FRMPD4: variants seen among roughly 807,000 people sequenced by gnomAD.
FRMPD4 encodes the protein FERM and PDZ domain-containing protein 4.
FRMPD4 carries 22 observed loss-of-function variants against 94.1 expected under a neutral mutation model. The ratio of observed to expected loss-of-function variants is 0.23; its 90% CI spans 0.17 to 0.33. The LOEUF (loss-of-function observed/expected upper bound fraction) is 0.33. Among genes scored for constraint, FRMPD4 ranks in the 10% least tolerant of loss-of-function variants. The probability of loss-of-function intolerance (pLI) is 1.00; values close to 1 mark genes in which losing one functional copy is unlikely to be tolerated. For synonymous variants in FRMPD4, 631 were observed against 548.6 expected, an observed-to-expected ratio of 1.15 and a Z score of -2.10; for missense variants, 1,111 against 1,339.9, an observed-to-expected ratio of 0.83 and a Z score of 2.67.
chrX:12,194,588 T>C (rs142184052), intron 1 of FRMPD4, among the ~76,000 whole-genome samples: 2,382 of 111,750 alleles, frequency 0.021, 67 homozygotes, highest in African/African-American at 0.074. Context: ...ACTACTGTTA[T>C]AGAAAATTTG....
chrX:12,703,524 G>GAA (rs2041824410), intron 10 of FRMPD4, among the ~76,000 whole-genome samples: 1 of 111,546 alleles, frequency 9.0e-6, no homozygotes, highest in South Asian at 3.8e-4. Flanking sequence ...AGAAATAACT[G>GAA]GAATCCTCTT....
intron 3 of FRMPD4, among the ~76,000 whole-genome samples, chrX:12,021,026 A>ATCTC (rs377161544): frequency 8.9e-6 from 1 of 112,023 alleles, no homozygotes; most frequent in African/African-American, 3.2e-5. Context: ...GAATCCTGTG[A>ATCTC]TCTCATCTGC....
intron 3 of FRMPD4, among the ~76,000 whole-genome samples, chrX:12,004,020 C>G (rs1459707236): frequency 9.0e-6 from 1 of 111,579 alleles, no homozygotes; most frequent in Non-Finnish European, 1.9e-5. Flanking sequence ...TCTCCCTCTT[C>G]TTCCCCCTGC....
intron 4 of FRMPD4, among the ~76,000 whole-genome samples, chrX:12,617,735 T>C (rs2059248763): frequency 8.9e-6 from 1 of 111,872 alleles, no homozygotes; most frequent in Non-Finnish European, 1.9e-5. Flanking sequence ...AAATTCTCTC[T>C]TTAAAAATTG....
intron 4 of FRMPD4, among the ~76,000 whole-genome samples, chrX:12,628,088 C>A (rs150731399): frequency 9.0e-6 from 1 of 111,114 alleles, no homozygotes; most frequent in East Asian, 2.8e-4. Context: ...GAGCTTACAG[C>A]GAAATCTATT....
Position 12,710,433 on chromosome X carries a change from T to C in FRMPD4, c.1505T>C (p.Met502Thr). 1 of 1,204,050 alleles carries C rather than the reference T, an allele frequency of 8.3e-7. No homozygotes were observed. Residue 502 changes from methionine (M) to threonine (T), a missense_variant, in exon 14 of 17, where the codon ATG (methionine) becomes ACG (threonine). By Grantham distance (81) the Met-to-Thr change is moderately conservative. Transcript: ENST00000675598. ...CTTCTGATGGAATCCTCAGATGCCATGAACCTGGCCTGCTTGACGGCTGGA... is the reference window on the plus strand; with the variant it reads ...CTTCTGATGGAATCCTCAGATGCCACGAACCTGGCCTGCTTGACGGCTGGA... The part of the protein sequence containing the change: ...ITLLMESSDA[M>T]NLACLTAGYY...
chrX:12,616,745 G>A (rs1025831961), intron 4 of FRMPD4, among the ~76,000 whole-genome samples: 2 of 112,461 alleles, frequency 1.8e-5, no homozygotes, highest in African/African-American at 6.5e-5. Flanking sequence ...GTCAGCAGGG[G>A]CATACCTTAT....
intron 3 of FRMPD4, among the ~76,000 whole-genome samples, chrX:12,027,033 A>C (rs941430840): frequency 8.9e-6 from 1 of 111,918 alleles, no homozygotes; most frequent in Non-Finnish European, 1.9e-5. Context: ...GTGATTTTCC[A>C]ACTTCTGCAT....
intron 4 of FRMPD4, among the ~76,000 whole-genome samples, chrX:12,657,011 G>A (rs759092827): frequency 3.6e-5 from 4 of 110,135 alleles, no homozygotes; most frequent in East Asian, 5.7e-4. Flanking sequence ...GCTTGAACTC[G>A]GGAGGCGGAG....
chrX:11,909,540 C>G (rs780754907), intron 3 of FRMPD4, among the ~76,000 whole-genome samples: 1 of 108,898 alleles, frequency 9.2e-6, no homozygotes, highest in East Asian at 2.9e-4. Flanking sequence ...TTGATTTTTG[C>G]TCTTTATTCA....
At chrX:12,574,553 A>G (rs1187863505) in intron 2 of FRMPD4, among the ~76,000 whole-genome samples, 1 of 111,104 alleles carries the variant, frequency 9.0e-6, no homozygotes, top group Non-Finnish European at 1.9e-5. Flanking sequence ...GCTGGAGTGC[A>G]GTGGCGTGAT....
intron 3 of FRMPD4, among the ~76,000 whole-genome samples, chrX:12,019,843 T>C (rs2054623527): frequency 8.9e-6 from 1 of 111,787 alleles, no homozygotes; most frequent in Non-Finnish European, 1.9e-5. Context: ...CCTTGCCCCA[T>C]AATAATGATG....
chrX:12,567,420 T>C (rs1013209666), intron 2 of FRMPD4, among the ~76,000 whole-genome samples: 13 of 112,638 alleles, frequency 1.2e-4, no homozygotes, highest in African/African-American at 4.2e-4. Flanking sequence ...CATTCATTCA[T>C]GCATACATGC....
chrX:11,921,648 A>G (rs1480544721), intron 3 of FRMPD4, among the ~76,000 whole-genome samples: 2 of 112,087 alleles, frequency 1.8e-5, no homozygotes, highest in African/African-American at 6.5e-5. Context: ...TCCCTATGCC[A>G]TAAGAACAGC....
chrX:12,263,299 G>C (rs1255436355), intron 1 of FRMPD4, among the ~76,000 whole-genome samples: 1 of 111,521 alleles, frequency 9.0e-6, no homozygotes, highest in Non-Finnish European at 1.9e-5. Flanking sequence ...AACCAGGATG[G>C]TTGGTCACCT....
chrX:12,030,561 A>G (rs973617651), intron 3 of FRMPD4, among the ~76,000 whole-genome samples: 2 of 112,012 alleles, frequency 1.8e-5, no homozygotes, highest in African/African-American at 6.5e-5. Context: ...TATATTCTCT[A>G]TGGGCAATCT....
intron 3 of FRMPD4, among the ~76,000 whole-genome samples, chrX:12,018,699 G>A (rs1310701108): frequency 1.8e-5 from 2 of 111,584 alleles, no homozygotes; most frequent in Non-Finnish European, 3.8e-5. Context: ...TTACAGGTGT[G>A]AGTCACCATT....
chrX:12,716,009 C>CCCCCCCCA, intron 14 of FRMPD4, 60 bp from the exon 15 acceptor site: 1 of 329,497 alleles, frequency 3.0e-6, no homozygotes, highest in Non-Finnish European at 5.5e-6. Flanking sequence ...CCTCCCACCC[C>CCCCCCCCA]CGCCCCACCC....
chrX:12,061,210 A>T (rs181025504), intron 3 of FRMPD4, among the ~76,000 whole-genome samples: 1 of 111,902 alleles, frequency 8.9e-6, no homozygotes, highest in East Asian at 2.8e-4. Context: ...TGGGAAGGTG[A>T]CCAGGAAAAA....
Sources: allele counts gnomAD v4.1 joint callset (sites outside exome capture counted in the v4.1 genomes callset), GRCh38; gene constraint gnomAD v4.1.1; transcripts MANE v1.5; gene names NCBI Gene and HGNC (gene_info 2026-07-23, HGNC 2026-07-21).